ZNF236: variants seen among roughly 807,000 people sequenced by gnomAD.
ZNF236 encodes regulated by glucose.
Under a neutral mutation model 191.2 loss-of-function variants are expected in ZNF236, and 50 were observed. The observed-to-expected ratio is 0.26, with a 90% CI of 0.21 to 0.33. The LOEUF (loss-of-function observed/expected upper bound fraction) is 0.33, where lower values mean the gene tolerates loss of function less well. Among genes scored for constraint, ZNF236 ranks in the 10% least tolerant of loss-of-function variants. The pLI, the probability that ZNF236 is intolerant of heterozygous loss-of-function variation, is 1.00. For missense variants in ZNF236, 1,754 were observed against 2,374.5 expected (o/e 0.74, Z 5.43); for synonymous variants, 907 against 928.8 (o/e 0.98, Z 0.43).
At chr18:76,843,803 A>AAAAAAAAAGAAG (rs71172383) in intron 1 of ZNF236, among the ~76,000 whole-genome samples, 2 of 62,088 alleles carry the variant, frequency 3.2e-5, no homozygotes, top group African/African-American at 6.5e-5. Flanking sequence ...AAAAAAAAAA[A>AAAAAAAAAGAAG]AAGTAAAGAA....
At chr18:76,847,205 A>G (rs563391683) in intron 1 of ZNF236, among the ~76,000 whole-genome samples, 14 of 152,238 alleles carry the variant, frequency 9.2e-5, no homozygotes, top group Non-Finnish European at 5.9e-5. Flanking sequence ...GTTTCAACAT[A>G]GAGGCTGTGA....
In ZNF236 at chr18:76,895,044, G is replaced by T; in HGVS notation, c.1449G>T (p.Trp483Cys). The T allele has an allele frequency of 1.2e-6, 2 of 1,611,020 alleles. No individual in the cohort carries two copies. Among genetic ancestry groups the T allele is most frequent in the Non-Finnish European group, 1.7e-6 (2 of 1,179,998 alleles). Residue 483 changes from tryptophan to cysteine, a missense_variant, in exon 10 of 31, where the codon TGG becomes TGT. Coordinates refer to ENST00000320610, the MANE Select transcript of ZNF236 (RefSeq NM_001306089.2). ...GSIREENGVR[W>C]HVCPYCAKEF... is the part of the protein sequence containing the mutation. ...TCCGCGAGGAGAACGGCGTGCGCTG[G>T]CATGTGTGTCCCTACTGCGCCAAGG...
In ZNF236 at chr18:76,897,782, C is replaced by G. The variant is rs368996142; in HGVS notation, c.1691-1237C>G. Among the ~76,000 whole-genome samples the G allele has an allele frequency of 2.0e-5, 3 of 152,224 alleles. No homozygotes were observed. The East Asian group carries it at 5.8e-4, about 29-fold the overall frequency. ...AGGAACTGCCAATAGGTACTGCACA[C>G]AGTACTGCACACAGGTGCTGAGAAG... On this transcript the variant is annotated intron_variant, in intron 10 of 30. Coordinates refer to ENST00000320610, the MANE Select transcript of ZNF236 (RefSeq NM_001306089.2).
In ZNF236 at chr18:76,927,298, C is replaced by G; in HGVS notation, c.4195C>G (p.Gln1399Glu). Residue 1399 changes from glutamine (Q) to glutamate (E), a missense_variant, in exon 24 of 31, where the codon CAG becomes GAG. By Grantham distance (29) the Gln-to-Glu change is conservative. Transcript: ENST00000320610. The surrounding 1 kb of genome is among the most constrained non-coding windows in gnomAD (Gnocchi z 5.4). Reference protein sequence around the residue: ...TLQIDPSILQQTLQQGNLLAQ... With the variant: ...TLQIDPSILQETLQQGNLLAQ... The stretch of plus-strand genomic sequence containing the variant: ...TCAGATTGATCCAAGCATTCTGCAG[C>G]AGACGCTACAGCAGGGCAACCTATT... The G allele has an allele frequency of 6.2e-7, 1 of 1,614,172 alleles. No homozygotes were observed. Among genetic ancestry groups the G allele is most frequent in the Non-Finnish European group, 8.5e-7 (1 of 1,180,024 alleles).
At chr18:76,851,641 A>AGAGCCAGAG (rs1975875397) in intron 2 of ZNF236, 134 bp from the exon 3 acceptor site, 1 of 921,544 alleles carries the variant, frequency 1.1e-6, no homozygotes, top group African/African-American at 1.7e-5. Flanking sequence ...TATTGACTTA[A>AGAGCCAGAG]GAGCCAGAGG....
rs369608604 is a variant in ZNF236, at chr18:76,832,451, T to G, written c.55+9789T>G. ...AGAGGGAAAGGTCAGGATTTTTTTT[T>G]TTTTTTACACATATAGATACCCAAT... On this transcript the variant is annotated intron_variant, in intron 1 of 30. Coordinates refer to ENST00000320610, the MANE Select transcript of ZNF236 (RefSeq NM_001306089.2). Among the ~76,000 whole-genome samples the G allele has an allele frequency of 9.0e-4, 137 of 152,284 alleles. 5 individuals carry two copies. In the South Asian group the frequency reaches 0.028, roughly 31 times the overall value.
intron 11 of ZNF236, among the ~76,000 whole-genome samples, chr18:76,903,350 C>T (rs1006141984): frequency 3.3e-5 from 5 of 152,160 alleles, no homozygotes; most frequent in Non-Finnish European, 7.4e-5. Context: ...GTCCGGGGCT[C>T]CCCAGCCTTA....
At chr18:76,902,523 T>C (rs915105640) in intron 11 of ZNF236, among the ~76,000 whole-genome samples, 16 of 152,100 alleles carry the variant, frequency 1.1e-4, no homozygotes, top group African/African-American at 3.9e-4. Flanking sequence ...TGTCTCAGCA[T>C]GTGTAGGGAA....
chr18:76,877,132 T>G (rs1024465782), intron 6 of ZNF236, among the ~76,000 whole-genome samples: 2 of 152,222 alleles, frequency 1.3e-5, no homozygotes, highest in Non-Finnish European at 2.9e-5. Context: ...AGAGAAAGAA[T>G]ATTTTAGGTA....
intron 30 of ZNF236, among the ~76,000 whole-genome samples, chr18:76,967,653 C>CTG (rs1968815380): frequency 1.9e-4 from 1 of 5,260 alleles, no homozygotes. Flanking sequence ...GGTGTGATCT[C>CTG]TGAGATTTGT....
chr18:76,832,836 C>T (rs1009825582), intron 1 of ZNF236, among the ~76,000 whole-genome samples: 1 of 151,966 alleles, frequency 6.6e-6, no homozygotes, highest in African/African-American at 2.4e-5. Flanking sequence ...TCTTTACAAT[C>T]TTGAGTCTTT....
intron 30 of ZNF236, among the ~76,000 whole-genome samples, chr18:76,966,598 C>T (rs1968782893): frequency 1.3e-5 from 2 of 152,158 alleles, no homozygotes; most frequent in Admixed American, 1.3e-4. Flanking sequence ...GCATGCAGTT[C>T]AGGTGCTGTC....
rs1976887237 is a variant in ZNF236, at chr18:76,881,340, C to T, written c.1245C>T (p.Asp415=). Residue 415 remains aspartate (D), a synonymous_variant, in exon 9 of 31, where the codon GAC becomes GAT. Coordinates refer to ENST00000320610, the MANE Select transcript of ZNF236 (RefSeq NM_001306089.2). ...TTCCAGCTGCAGCACATCCTAATGA[C>T]TCCTGCCATGCCAAGACCTCTGCAC... is the stretch of plus-strand genomic sequence containing the variant. ...SSIPAAAHPN[D]SCHAKTSAPH... is the part of the protein sequence containing the mutation. 2 of 1,614,004 alleles carry T rather than the reference C, an allele frequency of 1.2e-6. No individual in the cohort carries two copies. Among genetic ancestry groups the T allele is most frequent in the South Asian group, 2.2e-5 (2 of 91,088 alleles).
Position 76,956,044 on chromosome 18 carries a change from G to C in ZNF236, c.4974G>C (p.Ala1658=). 1 of 1,609,750 alleles carries C rather than the reference G, an allele frequency of 6.2e-7. No individual in the cohort carries two copies. The highest frequency in any genetic ancestry group is 1.1e-5 in the South Asian group (1 of 90,376). ...ACCAGCCAGAGAAGGAGGGCCGGGC[G>C]CACCAGTGCCTGGAGTGTGACCGCG... ...PGNQPEKEGR[A]HQCLECDRAF... is the part of the protein sequence containing the mutation. Residue 1658 remains alanine, a synonymous_variant, in exon 28 of 31, where the codon GCG becomes GCC. Transcript: ENST00000320610.
intron 19 of ZNF236, among the ~76,000 whole-genome samples, chr18:76,916,083 C>T (rs377501524): frequency 2.6e-5 from 4 of 152,334 alleles, no homozygotes; most frequent in South Asian, 2.1e-4. Context: ...CAAATCACCA[C>T]GCGCTGAATT....
intron 3 of ZNF236, among the ~76,000 whole-genome samples, chr18:76,863,937 A>G (rs1453515710): frequency 5.9e-5 from 9 of 152,224 alleles, no homozygotes; most frequent in Admixed American, 5.9e-4. Flanking sequence ...GTGAACGTGG[A>G]GAGTGTTTTT....
chr18:76,942,920 C>G (rs575313606), intron 26 of ZNF236, among the ~76,000 whole-genome samples: 387 of 148,968 alleles, frequency 2.6e-3, no homozygotes, highest in African/African-American at 8.9e-3. Flanking sequence ...TCAGGAGATC[C>G]AGACCATCCT....
chr18:76,837,755 T>C (rs1373873781), intron 1 of ZNF236, among the ~76,000 whole-genome samples: 2 of 152,238 alleles, frequency 1.3e-5, no homozygotes, highest in Non-Finnish European at 2.9e-5. Flanking sequence ...ATTCAGTTTT[T>C]AACCTTTGTA....
chr18:76,835,928 G>A (rs1237355508), intron 1 of ZNF236, among the ~76,000 whole-genome samples: 2 of 150,268 alleles, frequency 1.3e-5, no homozygotes, highest in African/African-American at 2.5e-5. Context: ...TTTTTTTTGA[G>A]ATTAAGTCTT....
Sources: allele counts gnomAD v4.1 joint callset (sites outside exome capture counted in the v4.1 genomes callset), GRCh38; gene constraint gnomAD v4.1.1; non-coding constraint Gnocchi (gnomAD v3.1); transcripts MANE v1.5; gene names NCBI Gene and HGNC (gene_info 2026-07-23, HGNC 2026-07-21).